Variants in RIMS1 observed in about 807,000 individuals in gnomAD.
The protein encoded by RIMS1 is regulating synaptic membrane exocytosis protein 1.
RIMS1 carries 83 observed loss-of-function variants against 214.1 expected under a neutral mutation model. The ratio of observed to expected loss-of-function variants is 0.39; its 90% confidence interval spans 0.32 to 0.47. The LOEUF (loss-of-function observed/expected upper bound fraction) is 0.47, where lower values mean the gene tolerates loss of function less well. Among genes scored for constraint, RIMS1 ranks in the 20% least tolerant of loss-of-function variants. The pLI, the probability that RIMS1 is intolerant of heterozygous loss-of-function variation, is 0.99. For missense variants in RIMS1, 2,050 were observed against 2,161.8 expected (o/e 0.95, Z 1.03); for synonymous variants, 793 against 786.8 (o/e 1.01, Z -0.13).
In RIMS1 at chr6:72,296,470, T is replaced by G. The variant is rs1046504463; in HGVS notation, c.3850+4424T>G. Among the ~76,000 whole-genome samples, 9 of 152,048 alleles carry G rather than the reference T, an allele frequency of 5.9e-5. No homozygotes were observed. In the South Asian group the frequency reaches 1.9e-3, roughly 31 times the overall value. The stretch of plus-strand genomic sequence containing the variant: ...GTTACTTCTGTTTGCCTCAATACTG[T>G]TAAAATACCCATTAATTTTATCTTT... On this transcript the variant is annotated intron_variant, in intron 26 of 33. Coordinates refer to ENST00000521978, the MANE Select transcript of RIMS1 (RefSeq NM_014989.7).
At chr6:72,262,658 T>G in intron 19 of RIMS1, 1 of 871,120 alleles carries the variant, frequency 1.1e-6, no homozygotes, top group Non-Finnish European at 1.4e-6. Context: ...TTAATTTATA[T>G]CTGTATAAAA....
At chr6:72,100,744 G>T (rs2033355862) in intron 4 of RIMS1, among the ~76,000 whole-genome samples, 1 of 148,184 alleles carries the variant, frequency 6.7e-6, no homozygotes, top group Admixed American at 6.8e-5. Context: ...ACCAATATGA[G>T]AATGAGACAA....
intron 6 of RIMS1, among the ~76,000 whole-genome samples, chr6:72,195,051 T>C (rs1449530071): frequency 6.6e-6 from 1 of 152,096 alleles, no homozygotes; most frequent in Non-Finnish European, 1.5e-5. Context: ...GATTCGTGCC[T>C]GTGAGGAATT....
chr6:72,273,287 G>C (rs2084365902), intron 22 of RIMS1, among the ~76,000 whole-genome samples: 1 of 152,008 alleles, frequency 6.6e-6, no homozygotes, highest in Non-Finnish European at 1.5e-5. Context: ...TTTTTGAAAT[G>C]GTAGGACTAG....
chr6:72,251,425 G>A, intron 15 of RIMS1, 57 bp downstream of exon 15: 1 of 1,242,500 alleles, frequency 8.0e-7, no homozygotes, highest in South Asian at 1.7e-5. Flanking sequence ...GATCTAATTA[G>A]TGATTAATAA....
Position 72,000,519 on chromosome 6 carries a change from A to G in RIMS1, c.245+31456A>G, listed in dbSNP as rs1393839370. On this transcript the variant is annotated intron_variant, in intron 2 of 33. Coordinates refer to ENST00000521978, the MANE Select transcript of RIMS1 (RefSeq NM_014989.7). ...CTACAACCCATAATCACACTTAAAT[A>G]CTCTTACCATTTGCAAATAAACAAG... is the stretch of plus-strand genomic sequence containing the variant. Among the ~76,000 whole-genome samples the G allele has an allele frequency of 5.9e-5, 9 of 151,938 alleles. No homozygotes were observed. The East Asian group carries it at 1.5e-3, about 26-fold the overall frequency.
At chr6:71,895,120 C>A (rs532456124) in intron 1 of RIMS1, among the ~76,000 whole-genome samples, 1 of 152,264 alleles carries the variant, frequency 6.6e-6, no homozygotes, top group South Asian at 2.1e-4. Context: ...ATAATATACA[C>A]ACTCACAAGT....
chr6:71,990,330 A>T (rs1584311782), intron 2 of RIMS1, among the ~76,000 whole-genome samples: 1 of 152,292 alleles, frequency 6.6e-6, no homozygotes, highest in Middle Eastern at 3.4e-3. Context: ...GGCTTCACTC[A>T]CTACAGGGTT....
chr6:71,958,962 G>A (rs2151222496), intron 1 of RIMS1, among the ~76,000 whole-genome samples: 1 of 152,210 alleles, frequency 6.6e-6, no homozygotes, highest in South Asian at 2.1e-4. Context: ...CATTCTACAT[G>A]CAAAAGATAG....
intron 24 of RIMS1, among the ~76,000 whole-genome samples, chr6:72,286,306 T>C (rs962769977): frequency 1.3e-5 from 2 of 152,148 alleles, no homozygotes; most frequent in African/African-American, 2.4e-5. Context: ...TAGAAAATGA[T>C]AGATGATGCC....
chr6:72,284,145 C>T (rs1453278629), intron 24 of RIMS1, 27 bp downstream of exon 24: 1 of 1,584,970 alleles, frequency 6.3e-7, no homozygotes, highest in South Asian at 1.1e-5. Flanking sequence ...GGTGTGCTGA[C>T]ATCTTCCATT....
At chr6:72,178,039 C>T (rs1431249656) in intron 4 of RIMS1, among the ~76,000 whole-genome samples, 2 of 152,062 alleles carry the variant, frequency 1.3e-5, no homozygotes, top group South Asian at 2.1e-4. Flanking sequence ...ATGAGAATTC[C>T]GTAATATTGG....
chr6:72,039,689 C>T (rs1820885626), intron 2 of RIMS1, among the ~76,000 whole-genome samples: 1 of 151,908 alleles, frequency 6.6e-6, no homozygotes, highest in South Asian at 2.1e-4. Context: ...CTATCTGGTT[C>T]TGTGATTTGG....
At chr6:72,064,525 T>TA (rs1252566770) in intron 2 of RIMS1, among the ~76,000 whole-genome samples, 1 of 152,050 alleles carries the variant, frequency 6.6e-6, no homozygotes, top group Non-Finnish European at 1.5e-5. Context: ...AAGAAATGCA[T>TA]AAAGGGAAGA....
intron 24 of RIMS1, among the ~76,000 whole-genome samples, chr6:72,285,009 A>G (rs1321925478): frequency 6.6e-6 from 1 of 152,156 alleles, no homozygotes; most frequent in African/African-American, 2.4e-5. Context: ...GATTGGAAAT[A>G]CTATCTTGAG....
chr6:72,121,582 A>G (rs1244250534), intron 4 of RIMS1, among the ~76,000 whole-genome samples: 2 of 151,912 alleles, frequency 1.3e-5, no homozygotes, highest in African/African-American at 4.8e-5. Flanking sequence ...TGAGTACACA[A>G]TCATGTCATC....
At chr6:72,257,518 A>G (rs79556941) in intron 16 of RIMS1, among the ~76,000 whole-genome samples, 132 of 152,210 alleles carry the variant, frequency 8.7e-4, no homozygotes, top group African/African-American at 3.1e-3. Flanking sequence ...TTATTGTGAT[A>G]GTCATCTTCA....
chr6:72,170,312 A>G (rs2046850296), intron 4 of RIMS1, among the ~76,000 whole-genome samples: 1 of 152,082 alleles, frequency 6.6e-6, no homozygotes, highest in Admixed American at 6.6e-5. Flanking sequence ...CACCATCTAT[A>G]ATACCACTTA....
chr6:72,147,808 G>A (rs914715238), intron 4 of RIMS1, among the ~76,000 whole-genome samples: 1 of 152,110 alleles, frequency 6.6e-6, no homozygotes, highest in African/African-American at 2.4e-5. Context: ...ATGGTATATG[G>A]CCAATACTTC....
Sources: allele counts gnomAD v4.1 joint callset (sites outside exome capture counted in the v4.1 genomes callset), GRCh38; gene constraint gnomAD v4.1.1; transcripts MANE v1.5; gene names NCBI Gene and HGNC (gene_info 2026-07-23, HGNC 2026-07-21).